TRMT9B: variants seen among roughly 807,000 people sequenced by gnomAD.
The protein encoded by TRMT9B is probable tRNA methyltransferase 9B.
TRMT9B carries 16 observed loss-of-function variants against 11.5 expected under a neutral mutation model. The ratio of observed to expected loss-of-function variants is 1.39; its 90% confidence interval spans 0.94 to 2.11. The LOEUF (loss-of-function observed/expected upper bound fraction) is 2.11. TRMT9B is among the 30% of genes most tolerant of loss of function. The pLI is 0.00. For synonymous variants in TRMT9B, 274 were observed against 192.4 expected (o/e 1.42, Z -3.51); for missense variants, 941 against 553.8 (o/e 1.70, Z -7.02).
chr8:12,985,981 C>A (rs921828643), intron 1 of TRMT9B, among the ~76,000 whole-genome samples: 1 of 152,136 alleles, frequency 6.6e-6, no homozygotes, highest in African/African-American at 2.4e-5. Context: ...CCTGCCTCAG[C>A]CTCCTGAGCA....
At position 13,027,522 on chromosome 8, in the gene TRMT9B, C is replaced by G. The variant is rs1030306133; in HGVS notation, c.*5478C>G. On this transcript the variant is annotated 3_prime_UTR_variant, in exon 5 of 5. Transcript: ENST00000524591. ...TCCTTTGGATGGCATTCAGGCCCTT[C>G]ATAAAGTAACTCTGAATTATTTTTC... 2 of 167,044 alleles carry G rather than the reference C, an allele frequency of 1.2e-5. No individual in the cohort carries two copies. Among genetic ancestry groups the G allele is most frequent in the African/African-American group, 2.4e-5 (1 of 41,454 alleles). 10.3% of individuals were successfully genotyped at this position (167,044 alleles called of 1,614,324 possible).
intron 4 of TRMT9B, among the ~76,000 whole-genome samples, chr8:13,016,307 G>T (rs1174290434): frequency 7.6e-6 from 1 of 131,290 alleles, no homozygotes; most frequent in African/African-American, 2.9e-5. Context: ...ATAACTAGAT[G>T]AGGCATAAGA....
At chr8:13,020,848 C>A (rs1030040027) in intron 4 of TRMT9B, among the ~76,000 whole-genome samples, 160 bp from the exon 5 acceptor site, 1 of 152,174 alleles carries the variant, frequency 6.6e-6, no homozygotes, top group Non-Finnish European at 1.5e-5. Context: ...CTCCTAAAAT[C>A]AGTCCTGTGT....
At chr8:12,954,900 G>C (rs1198752296) in intron 1 of TRMT9B, among the ~76,000 whole-genome samples, 1 of 152,178 alleles carries the variant, frequency 6.6e-6, no homozygotes, top group Admixed American at 6.5e-5. Flanking sequence ...AAAAAGCCCA[G>C]CTCTGAGCCA....
intron 3 of TRMT9B, chr8:13,011,070 C>T (rs1285104280): frequency 2.3e-6 from 1 of 426,078 alleles, no homozygotes; most frequent in Admixed American, 6.4e-5. Flanking sequence ...CTGCAACCTC[C>T]ACCTCCTGAA....
rs1350013187 is a variant in TRMT9B, at chr8:13,006,136, C to T, written c.-1-66C>T. 2.0e-6 allele frequency: 3 copies of T among 1,486,038 alleles called. No homozygotes were observed. In the African/African-American group the frequency reaches 4.2e-5, roughly 21 times the overall value. The allele number at this position is 1,486,038 out of a possible 1,614,324, so 92.1% of individuals were successfully genotyped here. On this transcript the variant is annotated intron_variant, in intron 2 of 4. Transcript: ENST00000524591. ...GCTCCAGATTTTAGGAAATCTGCAT[C>T]CTCCTTCAGCCATCTATGGTGCATA...
chr8:13,009,970 T>C (rs1563420734), intron 3 of TRMT9B, among the ~76,000 whole-genome samples: 1 of 151,856 alleles, frequency 6.6e-6, no homozygotes, highest in East Asian at 1.9e-4. Context: ...CTACAAAAAA[T>C]ACAACAACAG....
intron 1 of TRMT9B, among the ~76,000 whole-genome samples, chr8:12,984,954 TACACACACACACACAC>T (rs112248064): frequency 7.3e-6 from 1 of 136,462 alleles, no homozygotes; most frequent in South Asian, 2.3e-4. Context: ...TCCCTCAACA[TACACACACACACACAC>T]ACACACACAC....
intron 1 of TRMT9B, chr8:12,958,461 G>A (rs1220998504): frequency 6.6e-6 from 1 of 152,282 alleles, no homozygotes; most frequent in Non-Finnish European, 1.5e-5. Context: ...CATCAGATTG[G>A]TGCCCAGCTA....
At chr8:12,952,776 G>C (rs2128857124) in intron 1 of TRMT9B, 1 of 761,890 alleles carries the variant, frequency 1.3e-6, no homozygotes, top group African/African-American at 1.9e-5. Context: ...GTCTCTCTCT[G>C]TCACCCAGGC....
rs573930940 is a variant in TRMT9B, at chr8:13,023,497, T to A, written c.*1453T>A. The A allele has an allele frequency of 6.0e-6, 1 of 167,218 alleles. No homozygotes were observed. Among genetic ancestry groups the A allele is most frequent in the African/African-American group, 2.4e-5 (1 of 41,580 alleles). The allele number at this position is 167,218 out of a possible 1,614,324, so 10.4% of individuals were successfully genotyped here. ...AGAGAAACGAATAGACTGGACACTG[T>A]GTGGTCACTGTTTAGATTTGCCCAT... is the stretch of plus-strand genomic sequence containing the variant. On this transcript the variant is annotated 3_prime_UTR_variant, in exon 5 of 5. Coordinates refer to ENST00000524591, the MANE Select transcript of TRMT9B (RefSeq NM_020844.3).
At chr8:13,008,784 AG>A (rs1336348736) in intron 3 of TRMT9B, among the ~76,000 whole-genome samples, 1 of 152,126 alleles carries the variant, frequency 6.6e-6, no homozygotes, top group Non-Finnish European at 1.5e-5. Context: ...GCTGGAGTGC[AG>A]GGGCGCCATC....
At chr8:12,994,177 T>A (rs566639254) in intron 2 of TRMT9B, among the ~76,000 whole-genome samples, 1 of 152,212 alleles carries the variant, frequency 6.6e-6, no homozygotes, top group Admixed American at 6.5e-5. Context: ...AAAAGTATTT[T>A]AATCTCTAAA....
At chr8:12,953,006 G>A (rs1393813504) in intron 1 of TRMT9B, among the ~76,000 whole-genome samples, 1 of 152,146 alleles carries the variant, frequency 6.6e-6, no homozygotes, top group Non-Finnish European at 1.5e-5. Context: ...CCAAAGTGCT[G>A]GGATTACAGG....
At chr8:12,952,152 C>T (rs1033144635) in intron 1 of TRMT9B, 7 of 453,770 alleles carry the variant, frequency 1.5e-5, no homozygotes, top group Admixed American at 1.4e-4. Flanking sequence ...GCTGTGACTA[C>T]TCGCAACGGG....
chr8:13,002,077 A>G (rs987165974), intron 2 of TRMT9B, among the ~76,000 whole-genome samples: 2 of 152,262 alleles, frequency 1.3e-5, no homozygotes, highest in Admixed American at 1.3e-4. Flanking sequence ...TCAGAAAAAC[A>G]AAATAGATTT....
At chr8:12,986,271 C>G (rs557003479) in intron 1 of TRMT9B, among the ~76,000 whole-genome samples, 3 of 152,172 alleles carry the variant, frequency 2.0e-5, no homozygotes, top group African/African-American at 7.2e-5. Flanking sequence ...CACCTCCTGT[C>G]GCATTTCCTC....
chr8:12,969,638 CT>C (rs1563330582), intron 1 of TRMT9B, among the ~76,000 whole-genome samples: 1 of 151,296 alleles, frequency 6.6e-6, no homozygotes, highest in African/African-American at 2.4e-5. Flanking sequence ...AATATTTTTT[CT>C]TTTTTAAAAA....
intron 1 of TRMT9B, among the ~76,000 whole-genome samples, chr8:12,964,538 G>A (rs1802562848): frequency 6.6e-6 from 1 of 152,138 alleles, no homozygotes; most frequent in Non-Finnish European, 1.5e-5. Flanking sequence ...AGTATTTGTA[G>A]TTTTTAACTC....
Sources: allele counts gnomAD v4.1 joint callset (sites outside exome capture counted in the v4.1 genomes callset), GRCh38; gene constraint gnomAD v4.1.1; transcripts MANE v1.5; gene names NCBI Gene and HGNC (gene_info 2026-07-23, HGNC 2026-07-21).